Variants in MCM9 observed in about 807,000 individuals in gnomAD.
MCM9 encodes DNA helicase MCM9.
MCM9 carries 55 observed loss-of-function variants against 72.8 expected under a neutral mutation model. The ratio of observed to expected loss-of-function variants is 0.76; its 90% CI spans 0.61 to 0.95. MCM9 has a LOEUF of 0.95. Ranked by LOEUF, MCM9 falls within the 40% of genes least tolerant of loss-of-function variation. The probability of loss-of-function intolerance (pLI) is 0.00; values close to 1 mark genes in which losing one functional copy is unlikely to be tolerated. For missense variants in MCM9, 1,279 were observed against 1,377.0 expected (o/e 0.93, Z 1.13); for synonymous variants, 480 against 503.4 (o/e 0.95, Z 0.62).
intron 10 of MCM9, 27 bp downstream of exon 10, chr6:118,829,021 T>C (rs1214336092): frequency 2.6e-6 from 4 of 1,544,608 alleles, no homozygotes; most frequent in African/African-American, 1.4e-5. Context: ...CTCTGTTATT[T>C]TGAATGCTTT....
intron 12 of MCM9, 73 bp from the exon 13 acceptor site, chr6:118,826,365 G>C (rs1774166317): frequency 1.4e-6 from 2 of 1,455,714 alleles, no homozygotes; most frequent in Admixed American, 5.1e-5. Flanking sequence ...CTAGGGACCA[G>C]CAATCCCCGG....
intron 8 of MCM9, among the ~76,000 whole-genome samples, chr6:118,888,580 C>T (rs1778749138): frequency 6.6e-6 from 1 of 152,090 alleles, no homozygotes; most frequent in Non-Finnish European, 1.5e-5. Context: ...AAGCATAAAC[C>T]TAGAAAAATG....
chr6:118,913,196 G>T, intron 7 of MCM9, 99 bp downstream of exon 7: 1 of 1,373,474 alleles, frequency 7.3e-7, no homozygotes, highest in Non-Finnish European at 1.0e-6. Context: ...ATTACAATTG[G>T]AAAATAAAAC....
intron 3 of MCM9, among the ~76,000 whole-genome samples, chr6:118,929,809 AT>A (rs1290608813): frequency 2.0e-5 from 3 of 152,104 alleles, no homozygotes; most frequent in African/African-American, 7.2e-5. Context: ...TCCATCTCTA[AT>A]TTTTAAAAAA....
chr6:118,883,785 A>T (rs1778439593), intron 8 of MCM9, among the ~76,000 whole-genome samples: 1 of 152,188 alleles, frequency 6.6e-6, no homozygotes, highest in Non-Finnish European at 1.5e-5. Context: ...CAGATAAACA[A>T]AAACTGGGAG....
chr6:118,844,127 T>C (rs1287856852), intron 9 of MCM9, among the ~76,000 whole-genome samples: 1 of 151,828 alleles, frequency 6.6e-6, no homozygotes, highest in Non-Finnish European at 1.5e-5. Flanking sequence ...CTTAACCCTC[T>C]TATCTGCTAT....
At chr6:118,895,605 T>C (rs1211493878) in intron 8 of MCM9, among the ~76,000 whole-genome samples, 1 of 152,174 alleles carries the variant, frequency 6.6e-6, no homozygotes, top group African/African-American at 2.4e-5. Flanking sequence ...TTTCTACATA[T>C]ATTTTAAGGT....
intron 8 of MCM9, among the ~76,000 whole-genome samples, chr6:118,880,737 T>C (rs1778234533): frequency 2.0e-5 from 3 of 152,210 alleles, no homozygotes; most frequent in Admixed American, 6.5e-5. Flanking sequence ...AGTACTGGAA[T>C]AGGGAAGTTA....
intron 10 of MCM9, among the ~76,000 whole-genome samples, chr6:118,828,519 G>A (rs781724255): frequency 1.3e-5 from 2 of 152,002 alleles, no homozygotes; most frequent in Non-Finnish European, 2.9e-5. Context: ...TGCAGCAGCT[G>A]GGATTACAGG....
rs369432216 is a variant in MCM9, at chr6:118,931,405, C to A, written c.304+15G>T. The A allele has an allele frequency of 8.8e-5, 140 of 1,596,854 alleles. No homozygotes were observed. Among genetic ancestry groups the A allele is most frequent in the Non-Finnish European group, 1.1e-4 (131 of 1,167,860 alleles). ...CTAGAAGATAGCATGGCAGTAAAAT[C>A]CTTAAGTGATTTACCTGATATCCTG... On this transcript the variant is annotated intron_variant, in intron 3 of 13. Transcript: ENST00000619706.
chr6:118,877,619 T>A (rs1164980692), intron 8 of MCM9, among the ~76,000 whole-genome samples: 1 of 152,196 alleles, frequency 6.6e-6, no homozygotes, highest in Admixed American at 6.5e-5. Context: ...TACAACTATT[T>A]TGGAAAAGAG....
At chr6:118,916,389 A>C (rs1416962819) in intron 6 of MCM9, among the ~76,000 whole-genome samples, 1 of 149,526 alleles carries the variant, frequency 6.7e-6, no homozygotes, top group Non-Finnish European at 1.5e-5. Flanking sequence ...AAAAAAGAAA[A>C]AATCCCATAA....
At chr6:118,859,132 T>C (rs1049412375) in intron 8 of MCM9, among the ~76,000 whole-genome samples, 3 of 152,136 alleles carry the variant, frequency 2.0e-5, no homozygotes, top group Admixed American at 6.5e-5. Flanking sequence ...TGATTTTTTA[T>C]AGAAAATAAA....
chr6:118,834,177 T>A (rs1047459360), intron 9 of MCM9, among the ~76,000 whole-genome samples: 2 of 152,216 alleles, frequency 1.3e-5, no homozygotes, highest in Non-Finnish European at 2.9e-5. Flanking sequence ...CTCATGTCCC[T>A]GCAAAGGACA....
At chr6:118,921,126 T>C (rs1219766913) in intron 5 of MCM9, 2 of 152,216 alleles carry the variant, frequency 1.3e-5, no homozygotes, top group Admixed American at 6.5e-5. Flanking sequence ...GCCTGGAACA[T>C]TGCAGATTAT....
chr6:118,912,573 T>G (rs542947878), intron 7 of MCM9: 1 of 152,304 alleles, frequency 6.6e-6, no homozygotes, highest in African/African-American at 2.4e-5. Flanking sequence ...TCAAAACATA[T>G]AAGGACGCCT....
intron 13 of MCM9, among the ~76,000 whole-genome samples, chr6:118,822,906 C>T (rs1004472248): frequency 2.6e-5 from 4 of 152,306 alleles, no homozygotes; most frequent in Middle Eastern, 3.4e-3. Flanking sequence ...GCCTCCTTAG[C>T]ACTGTCAGAG....
chr6:118,824,630 T>G (rs993930279), intron 13 of MCM9, among the ~76,000 whole-genome samples: 2 of 152,178 alleles, frequency 1.3e-5, no homozygotes, highest in Admixed American at 6.5e-5. Flanking sequence ...TTGAGGCACA[T>G]AGAATGGCCG....
chr6:118,927,421 T>C (rs1385305003), intron 3 of MCM9, among the ~76,000 whole-genome samples: 1 of 151,968 alleles, frequency 6.6e-6, no homozygotes, highest in Non-Finnish European at 1.5e-5. Context: ...CTGACCAACA[T>C]GGAGAAACCC....
Sources: gnomAD v4.1 joint callset for allele counts (sites outside exome capture counted in the v4.1 genomes callset) on GRCh38, gnomAD v4.1.1 for gene constraint, MANE v1.5 for transcripts, NCBI Gene and HGNC (gene_info 2026-07-23, HGNC 2026-07-21) for gene names.